MAGEF1: variants seen among roughly 807,000 people sequenced by gnomAD.
MAGEF1 encodes the protein MAGE family member F1.
For synonymous variants in MAGEF1, 150 were observed against 163.6 expected, an observed-to-expected ratio of 0.92 and a Z score of 0.63; for missense variants, 418 against 399.5, an observed-to-expected ratio of 1.05 and a Z score of -0.39.
In MAGEF1 at chr3:184,711,982, T is replaced by C; in HGVS notation, c.-161A>G. The C allele has an allele frequency of 8.2e-7, 1 of 1,215,358 alleles. No individual in the cohort carries two copies. Among genetic ancestry groups the C allele is most frequent in the Non-Finnish European group, 1.1e-6 (1 of 949,180 alleles). 75.3% of individuals were successfully genotyped at this position (1,215,358 alleles called of 1,614,324 possible). A position where few individuals can be genotyped will look rare whatever the true frequency, so the allele number is the denominator to read the frequency against. On this transcript the variant is annotated 5_prime_UTR_variant, in exon 1 of 1. Coordinates refer to ENST00000317897, the MANE Select transcript of MAGEF1 (RefSeq NM_022149.5). ...GCTGCTGGGCCGCACCGCACGGGAG[T>C]CAAACCTGCGGCCGCAACGCCGCCA...
chr3:184,710,958 G>A lies in MAGEF1; in HGVS notation c.864C>T (p.Ala288=), dbSNP rs772855358. ...TGGCCCTCATACTGGCTTCAGCTCT[G>A]GCCTTGGCTCTGGCCCTGTCGGCCT... is the stretch of plus-strand genomic sequence containing the variant. ...ADEADRARAK[A]RAEASMRARA... Residue 288 remains alanine (A), a synonymous_variant, in exon 1 of 1, where the codon GCC becomes GCT. Coordinates refer to ENST00000317897, the MANE Select transcript of MAGEF1 (RefSeq NM_022149.5). 6.2e-6 allele frequency: 10 copies of A among 1,613,790 alleles called. No individual in the cohort carries two copies. The highest frequency in any genetic ancestry group is 8.5e-6 in the Non-Finnish European group (10 of 1,179,774).
Position 184,710,748 on chromosome 3 carries a change from T to C in MAGEF1, c.*150A>G. ...CAAACAGCATTTTAACAGTAATTAT[T>C]AAATGTTACAAAACATAAGATACAA... is the stretch of plus-strand genomic sequence containing the variant. On this transcript the variant is annotated 3_prime_UTR_variant, in exon 1 of 1. Coordinates refer to ENST00000317897, the MANE Select transcript of MAGEF1 (RefSeq NM_022149.5). 3 of 1,231,914 alleles carry C rather than the reference T, an allele frequency of 2.4e-6. No individual in the cohort carries two copies. The highest frequency in any genetic ancestry group is 3.2e-6 in the Non-Finnish European group (3 of 933,436). The allele number at this position is 1,231,914 out of a possible 1,614,324, so 76.3% of individuals were successfully genotyped here.
rs1712245079 is a variant in MAGEF1 at position 184,712,007 on chromosome 3, A to G, written c.-186T>C. 2 of 1,099,708 alleles carry G rather than the reference A, an allele frequency of 1.8e-6. No individual in the cohort carries two copies. Among genetic ancestry groups the G allele is most frequent in the South Asian group, 7.5e-5 (2 of 26,492 alleles). The allele number at this position is 1,099,708 out of a possible 1,614,324, so 68.1% of individuals were successfully genotyped here. ...TCAAACCTGCGGCCGCAACGCCGCC[A>G]GCAGCCGGAACCTGCGGCGCGCAGC... On this transcript the variant is annotated 5_prime_UTR_variant, in exon 1 of 1. Coordinates refer to ENST00000317897, the MANE Select transcript of MAGEF1 (RefSeq NM_022149.5).
rs554289939 is a variant in MAGEF1 at position 184,711,267 on chromosome 3, C to T, written c.555G>A (p.Arg185=). Residue 185 remains arginine, a synonymous_variant, in exon 1 of 1, where the codon AGG becomes AGA. Coordinates refer to ENST00000317897, the MANE Select transcript of MAGEF1 (RefSeq NM_022149.5). ...GLIYMRGNSA[R]EAQVWEMLRR... ...GCAGCATCTCCCAGACCTGGGCCTCCCTGGCGCTATTACCTCTCATATAGA... is the reference window on the plus strand; with the variant it reads ...GCAGCATCTCCCAGACCTGGGCCTCTCTGGCGCTATTACCTCTCATATAGA... 6.2e-7 allele frequency: 1 copy of T among 1,614,126 alleles called. No homozygotes were observed. Among genetic ancestry groups the T allele is most frequent in the East Asian group, 2.2e-5 (1 of 44,882 alleles).
the MAGEF1 span, chr3:184,711,724 G>T: frequency 6.5e-7 from 1 of 1,538,256 alleles, no homozygotes. Flanking sequence ...GCGCTCCTGC[G>T]AGGCGGTCGG....
Position 184,710,947 on chromosome 3 carries a change from G to A in MAGEF1, c.875C>T (p.Ala292Val). 6.2e-7 allele frequency: 1 copy of A among 1,612,436 alleles called. No homozygotes were observed. Among genetic ancestry groups the A allele is most frequent in the Non-Finnish European group, 8.5e-7 (1 of 1,178,854 alleles). ...DRARAKARAEASMRARASARA... is the reference protein window; with the variant it reads ...DRARAKARAEVSMRARASARA... ...AGCACTGGCCCTGGCCCTCATACTG[G>A]CTTCAGCTCTGGCCTTGGCTCTGGC... Residue 292 changes from alanine to valine, a missense_variant, in exon 1 of 1, where the codon GCC (alanine) becomes GTC (valine). Physicochemically the swap from Ala to Val is moderately conservative, Grantham distance 64 (BLOSUM62 0). Transcript: ENST00000317897.
Position 184,712,022 on chromosome 3 carries a change from C to T in MAGEF1, c.-201G>A. The stretch of plus-strand genomic sequence containing the variant: ...CAACGCCGCCAGCAGCCGGAACCTG[C>T]GGCGCGCAGCCTCAGTCCGCGCCCG... On this transcript the variant is annotated 5_prime_UTR_variant, in exon 1 of 1. Coordinates refer to ENST00000317897, the MANE Select transcript of MAGEF1 (RefSeq NM_022149.5). 1 of 998,718 alleles carries T rather than the reference C, an allele frequency of 1.0e-6. No individual in the cohort carries two copies. The highest frequency in any genetic ancestry group is 1.3e-6 in the Non-Finnish European group (1 of 752,256). The allele number at this position is 998,718 out of a possible 1,614,324, so 61.9% of individuals were successfully genotyped here. A position where few individuals can be genotyped will look rare whatever the true frequency, so the allele number is the denominator to read the frequency against.
Position 184,711,103 on chromosome 3 carries a change from G to T in MAGEF1, c.719C>A (p.Ser240Tyr). ...TTCCAGGTTGCTTCGGGGACCCCAA[G>T]AGAATTCATATTCTGGTGGATTGGT... ...PHTNPPEYEF[S>Y]WGPRSNLEIS... Residue 240 changes from serine to tyrosine, a missense_variant, in exon 1 of 1, where the codon TCT (serine) becomes TAT (tyrosine). Physicochemically the swap from Ser to Tyr is moderately radical, Grantham distance 144 (BLOSUM62 -2). Coordinates refer to ENST00000317897, the MANE Select transcript of MAGEF1 (RefSeq NM_022149.5). The T allele has an allele frequency of 6.2e-7, 1 of 1,614,206 alleles. No individual in the cohort carries two copies. Among genetic ancestry groups the T allele is most frequent in the Non-Finnish European group, 8.5e-7 (1 of 1,180,022 alleles).
chr3:184,711,464 T>C lies in MAGEF1; in HGVS notation c.358A>G (p.Arg120Gly), dbSNP rs766894976. 2 of 1,614,202 alleles carry C rather than the reference T, an allele frequency of 1.2e-6. No individual in the cohort carries two copies. The highest frequency in any genetic ancestry group is 2.2e-5 in the South Asian group (2 of 91,088). ...ACATACCGCAGATGCTCTGCGGCCC[T>C]TGCGATGATGTCCGGGAACAGAATC... Reference protein sequence around the residue: ...LKILFPDIIARAAEHLRYVFG... With the variant: ...LKILFPDIIAGAAEHLRYVFG... Residue 120 changes from arginine (R) to glycine (G), a missense_variant, in exon 1 of 1, where the codon AGG becomes GGG. Physicochemically the swap from Arg to Gly is moderately radical, Grantham distance 125 (BLOSUM62 -2). Coordinates refer to ENST00000317897, the MANE Select transcript of MAGEF1 (RefSeq NM_022149.5).
At position 184,711,726 on chromosome 3, in the gene MAGEF1, G is replaced by A. The variant is rs777793189; in HGVS notation, c.96C>T (p.Ala32=). ...GHDGETRAPT[A]SQERPKEELG... ...GCTCCTCCTTGGGGCGCTCCTGCGA[G>A]GCGGTCGGGGCCCGGGTCTCACCAT... The change falls in exon 1 of 1, where the codon GCC becomes GCT. Residue 32 remains alanine, a synonymous_variant. Transcript: ENST00000317897. The A allele has an allele frequency of 6.5e-7, 1 of 1,537,094 alleles. No individual in the cohort carries two copies. The highest frequency in any genetic ancestry group is 8.7e-7 in the Non-Finnish European group (1 of 1,147,824).
In MAGEF1 at chr3:184,711,494, A is replaced by C. The variant is rs768814266; in HGVS notation, c.328T>G (p.Leu110Val). The C allele has an allele frequency of 1.2e-6, 2 of 1,614,210 alleles. No homozygotes were observed. Among genetic ancestry groups the C allele is most frequent in the East Asian group, 4.5e-5 (2 of 44,864 alleles). The change falls in exon 1 of 1, where the codon TTG becomes GTG. Residue 110 changes from leucine (L) to valine (V), a missense_variant. By Grantham distance (32) the Leu-to-Val change is conservative (BLOSUM62 1). Coordinates refer to ENST00000317897, the MANE Select transcript of MAGEF1 (RefSeq NM_022149.5). ...SEMVKYVIGD[L>V]KILFPDIIAR... Reference sequence around the variant, plus strand: ...ATGATGTCCGGGAACAGAATCTTCAAGTCTCCAATAACGTATTTCACCATC... The same window carrying C: ...ATGATGTCCGGGAACAGAATCTTCACGTCTCCAATAACGTATTTCACCATC...
Position 184,711,965 on chromosome 3 carries a change from G to C in MAGEF1, c.-144C>G. On this transcript the variant is annotated 5_prime_UTR_variant, in exon 1 of 1. Transcript: ENST00000317897. The stretch of plus-strand genomic sequence containing the variant: ...GCAGCGGGAGCTTTGTGGCTGCTGG[G>C]CCGCACCGCACGGGAGTCAAACCTG... The C allele has an allele frequency of 1.5e-6, 2 of 1,299,260 alleles. No homozygotes were observed. The highest frequency in any genetic ancestry group is 2.0e-6 in the Non-Finnish European group (2 of 1,009,790). 80.5% of individuals were successfully genotyped at this position (1,299,260 alleles called of 1,614,324 possible).
At position 184,711,272 on chromosome 3, in the gene MAGEF1, C is replaced by T; in HGVS notation, c.550G>A (p.Ala184Thr). 6.2e-7 allele frequency: 1 copy of T among 1,614,090 alleles called. No homozygotes were observed. Among genetic ancestry groups the T allele is most frequent in the Non-Finnish European group, 8.5e-7 (1 of 1,180,020 alleles). Residue 184 changes from alanine to threonine, a missense_variant, in exon 1 of 1, where the codon GCC (alanine) becomes ACC (threonine). Physicochemically the swap from Ala to Thr is moderately conservative, Grantham distance 58. Transcript: ENST00000317897. ...LGLIYMRGNS[A>T]REAQVWEMLR... ...ATCTCCCAGACCTGGGCCTCCCTGGCGCTATTACCTCTCATATAGATAAGG... is the reference window on the plus strand; with the variant it reads ...ATCTCCCAGACCTGGGCCTCCCTGGTGCTATTACCTCTCATATAGATAAGG...
Position 184,711,789 on chromosome 3 carries a change from C to G in MAGEF1, c.33G>C (p.Pro11=), listed in dbSNP as rs1458721404. Residue 11 remains proline (P), a synonymous_variant, in exon 1 of 1, where the codon CCG becomes CCC. Transcript: ENST00000317897. ...CCTTCTCCCCCTCGGCCTGCGGGACCGGGAGCCCCCTGCTCTCTGGTGTCT... is the reference window on the plus strand; with the variant it reads ...CCTTCTCCCCCTCGGCCTGCGGGACGGGGAGCCCCCTGCTCTCTGGTGTCT... The part of the protein sequence containing the change: MLQTPESRGL[P]VPQAEGEKDG... 2.2e-5 allele frequency: 33 copies of G among 1,519,142 alleles called. No individual in the cohort carries two copies. The highest frequency in any genetic ancestry group is 2.6e-5 in the Non-Finnish European group (30 of 1,138,504). The allele number at this position is 1,519,142 out of a possible 1,614,324, so 94.1% of individuals were successfully genotyped here. A position where few individuals can be genotyped will look rare whatever the true frequency, so the allele number is the denominator to read the frequency against.
rs1379461775 is a variant in MAGEF1, at chr3:184,711,292, A to G, written c.530T>C (p.Ile177Thr). Residue 177 changes from isoleucine to threonine, a missense_variant, in exon 1 of 1, where the codon ATC (isoleucine) becomes ACC (threonine). Transcript: ENST00000317897. ...CCTGGCGCTATTACCTCTCATATAG[A>G]TAAGGCCCAGGATCATCATTAACAG... is the stretch of plus-strand genomic sequence containing the variant. Reference protein sequence around the residue: ...LGLLMMILGLIYMRGNSAREA... With the variant: ...LGLLMMILGLTYMRGNSAREA... The G allele has an allele frequency of 1.2e-6, 2 of 1,613,978 alleles. No homozygotes were observed. Among genetic ancestry groups the G allele is most frequent in the Non-Finnish European group, 1.7e-6 (2 of 1,180,038 alleles).
At position 184,712,030 on chromosome 3, in the gene MAGEF1, A is replaced by T. The variant is rs948009219; in HGVS notation, c.-209T>A. 1.2e-4 allele frequency: 113 copies of T among 952,272 alleles called. 1 individual carries two copies. Among genetic ancestry groups the T allele is most frequent in the Middle Eastern group, 3.6e-4 (1 of 2,774 alleles). 59.0% of individuals were successfully genotyped at this position (952,272 alleles called of 1,614,324 possible). A position where few individuals can be genotyped will look rare whatever the true frequency, so the allele number is the denominator to read the frequency against. On this transcript the variant is annotated 5_prime_UTR_variant, in exon 1 of 1. Coordinates refer to ENST00000317897, the MANE Select transcript of MAGEF1 (RefSeq NM_022149.5). ...CCAGCAGCCGGAACCTGCGGCGCGC[A>T]GCCTCAGTCCGCGCCCGCGCGAGGG...
In MAGEF1 at chr3:184,711,522, C is replaced by G. The variant is rs1385785917; in HGVS notation, c.300G>C (p.Ser100=). The change falls in exon 1 of 1, where the codon TCG becomes TCC. Residue 100 remains serine (S), a synonymous_variant. Coordinates refer to ENST00000317897, the MANE Select transcript of MAGEF1 (RefSeq NM_022149.5). ...KDKKKSPITR[S]EMVKYVIGDL... Reference sequence around the variant, plus strand: ...CTCCAATAACGTATTTCACCATCTCCGAGCGTGTGATGGGACTCTTCTTCT... The same window carrying G: ...CTCCAATAACGTATTTCACCATCTCGGAGCGTGTGATGGGACTCTTCTTCT... 6.2e-7 allele frequency: 1 copy of G among 1,614,244 alleles called. No homozygotes were observed. The highest frequency in any genetic ancestry group is 1.1e-5 in the South Asian group (1 of 91,088).
Position 184,711,714 on chromosome 3 carries a change from G to A in MAGEF1, c.108C>T (p.Arg36=). 1.3e-6 allele frequency: 2 copies of A among 1,549,188 alleles called. No individual in the cohort carries two copies. Among genetic ancestry groups the A allele is most frequent in the Non-Finnish European group, 1.7e-6 (2 of 1,153,320 alleles). The change falls in exon 1 of 1, where the codon CGC becomes CGT. Residue 36 remains arginine (R), a synonymous_variant. Coordinates refer to ENST00000317897, the MANE Select transcript of MAGEF1 (RefSeq NM_022149.5). ...ETRAPTASQE[R]PKEELGAGRE... ...TCCCGGCGCCAAGCTCCTCCTTGGG[G>A]CGCTCCTGCGAGGCGGTCGGGGCCC...
In MAGEF1 at chr3:184,711,978, G is replaced by C. The variant is rs1712243915; in HGVS notation, c.-157C>G. The C allele has an allele frequency of 1.6e-6, 2 of 1,240,962 alleles. No homozygotes were observed. The highest frequency in any genetic ancestry group is 3.0e-5 in the East Asian group (1 of 33,374). The allele number at this position is 1,240,962 out of a possible 1,614,324, so 76.9% of individuals were successfully genotyped here. On this transcript the variant is annotated 5_prime_UTR_variant, in exon 1 of 1. Transcript: ENST00000317897. The stretch of plus-strand genomic sequence containing the variant: ...TGTGGCTGCTGGGCCGCACCGCACG[G>C]GAGTCAAACCTGCGGCCGCAACGCC...
Sources: allele counts gnomAD v4.1 joint callset, GRCh38; gene constraint gnomAD v4.1.1; transcripts MANE v1.5; gene names NCBI Gene and HGNC (gene_info 2026-07-23, HGNC 2026-07-21).